The following PDE4D variants were observed in gnomAD, a reference collection of about 807,000 sequenced individuals.
PDE4D encodes 3',5'-cyclic-AMP phosphodiesterase 4D.
A neutral mutation model predicts 87.4 loss-of-function variants in PDE4D; 24 were observed. The observed-to-expected ratio is 0.27, with a 90% confidence interval of 0.20 to 0.39. PDE4D has a LOEUF of 0.39. Among genes scored for constraint, PDE4D ranks in the 10% least tolerant of loss-of-function variants. The probability of loss-of-function intolerance (pLI) is 1.00; values close to 1 mark genes in which losing one functional copy is unlikely to be tolerated. For synonymous variants in PDE4D, 384 were observed against 383.2 expected (o/e 1.00, Z -0.02); for missense variants, 714 against 1,041.0 (o/e 0.69, Z 4.32).
intron 1 of PDE4D, among the ~76,000 whole-genome samples, chr5:59,580,077 G>A (rs1366434280): frequency 6.6e-6 from 1 of 152,142 alleles, no homozygotes; most frequent in East Asian, 1.9e-4. Flanking sequence ...GGGTAAATCT[G>A]CTTATTTTCT....
chr5:59,067,112 G>A (rs1047875533), intron 5 of PDE4D, among the ~76,000 whole-genome samples: 5 of 151,968 alleles, frequency 3.3e-5, no homozygotes, highest in East Asian at 1.9e-4. Context: ...CTTCCCAGGT[G>A]CAAGTGATTC....
intron 1 of PDE4D, among the ~76,000 whole-genome samples, chr5:59,411,727 C>A (rs769261849): frequency 6.6e-6 from 1 of 152,200 alleles, no homozygotes; most frequent in African/African-American, 2.4e-5. Flanking sequence ...AAGACCTTAT[C>A]TCCATGGTTA....
rs926192302 is a variant in PDE4D at position 60,508,871 on chromosome 5, T to C, written n.70+13180A>G. Among the ~76,000 whole-genome samples, 10 of 151,802 alleles carry C rather than the reference T, an allele frequency of 6.6e-5. No homozygotes were observed. In the South Asian group the frequency reaches 1.5e-3, roughly 22 times the overall value. On this transcript the variant is annotated intron_variant and non_coding_transcript_variant, in intron 1 of 2. Coordinates refer to the PDE4D transcript ENST00000506510. ...ATCCAACATGCAGATTTCTCTTTTT[T>C]TTTCTTTCTTTCTTTTCTTTTATTT...
chr5:60,243,838 C>G (rs1747405971), intron 1 of PDE4D, among the ~76,000 whole-genome samples: 2 of 151,772 alleles, frequency 1.3e-5, no homozygotes, highest in African/African-American at 4.8e-5. Context: ...AAGACATATA[C>G]CTAGTATCAC....
intron 1 of PDE4D, among the ~76,000 whole-genome samples, chr5:59,325,440 G>A (rs185612768): frequency 2.0e-5 from 3 of 152,164 alleles, no homozygotes; most frequent in Non-Finnish European, 4.4e-5. Context: ...ACGTTTTTAC[G>A]CTTTAAATAG....
intron 3 of PDE4D, chr5:59,987,900 T>C (rs1037984583): frequency 1.3e-5 from 2 of 152,230 alleles, no homozygotes; most frequent in African/African-American, 4.8e-5. Context: ...GAAATAAAAA[T>C]GTTACATGAT....
intron 5 of PDE4D, among the ~76,000 whole-genome samples, chr5:59,083,936 T>C (rs1338085562): frequency 1.3e-5 from 2 of 152,138 alleles, no homozygotes; most frequent in Admixed American, 6.6e-5. Flanking sequence ...GTAGTACTTA[T>C]AAACTGCTTA....
chr5:59,324,334 A>C (rs1775262773), intron 1 of PDE4D, among the ~76,000 whole-genome samples: 1 of 152,132 alleles, frequency 6.6e-6, no homozygotes, highest in Non-Finnish European at 1.5e-5. Context: ...GTGAAATTCA[A>C]ATATCCACCT....
At chr5:59,457,001 T>C (rs1800024109) in intron 1 of PDE4D, among the ~76,000 whole-genome samples, 5 of 152,216 alleles carry the variant, frequency 3.3e-5, no homozygotes, top group Admixed American at 3.3e-4. Context: ...CTATAAAAAT[T>C]GTTGAAATGA....
chr5:60,040,978 G>C (rs768188726), intron 2 of PDE4D, among the ~76,000 whole-genome samples: 39 of 152,114 alleles, frequency 2.6e-4, no homozygotes, highest in Non-Finnish European at 4.7e-4. Context: ...TAAAATAAAA[G>C]TATTTTAGTA....
At chr5:59,707,403 T>C (rs1753586145) in intron 1 of PDE4D, among the ~76,000 whole-genome samples, 2 of 152,168 alleles carry the variant, frequency 1.3e-5, no homozygotes, top group African/African-American at 4.8e-5. Context: ...ATCCACAAGA[T>C]GGTCACATGC....
At chr5:59,178,145 T>C (rs1334372994) in intron 5 of PDE4D, among the ~76,000 whole-genome samples, 1 of 152,122 alleles carries the variant, frequency 6.6e-6, no homozygotes, top group Admixed American at 6.5e-5. Context: ...ACTGAGGTTT[T>C]AAGGGCCCAC....
At chr5:59,583,048 A>G (rs1472909433) in intron 1 of PDE4D, among the ~76,000 whole-genome samples, 1 of 152,196 alleles carries the variant, frequency 6.6e-6, no homozygotes, top group Admixed American at 6.5e-5. Flanking sequence ...TGAATCCATC[A>G]TTAAAAGGAT....
intron 1 of PDE4D, among the ~76,000 whole-genome samples, chr5:60,323,046 C>T (rs1170545033): frequency 3.9e-5 from 6 of 152,214 alleles, no homozygotes; most frequent in Admixed American, 2.6e-4. Flanking sequence ...GGTTGATCTT[C>T]GTTCACATAG....
chr5:60,502,425 G>A (rs1014102805), intron 1 of PDE4D, among the ~76,000 whole-genome samples: 2 of 152,352 alleles, frequency 1.3e-5, no homozygotes, highest in Non-Finnish European at 2.9e-5. Context: ...ATAGTTTGAA[G>A]TCAGGTAGTG....
At chr5:59,189,571 G>C (rs952600152) in intron 3 of PDE4D, among the ~76,000 whole-genome samples, 1 of 152,028 alleles carries the variant, frequency 6.6e-6, no homozygotes, top group Non-Finnish European at 1.5e-5. Context: ...GGATCACTGA[G>C]CCCGGAGGCA....
At chr5:59,730,520 T>C (rs1580730687) in intron 1 of PDE4D, among the ~76,000 whole-genome samples, 3 of 152,166 alleles carry the variant, frequency 2.0e-5, no homozygotes, top group Non-Finnish European at 4.4e-5. Flanking sequence ...ACATTTATTA[T>C]TTAAACTAGC....
intron 1 of PDE4D, among the ~76,000 whole-genome samples, chr5:59,518,622 GA>G (rs1270236532): frequency 6.6e-6 from 1 of 152,178 alleles, no homozygotes; most frequent in East Asian, 1.9e-4. Context: ...AGGAATGAAA[GA>G]GGGGAAGATG....
At chr5:59,329,686 T>C (rs1369402260) in intron 1 of PDE4D, among the ~76,000 whole-genome samples, 1 of 152,180 alleles carries the variant, frequency 6.6e-6, no homozygotes, top group African/African-American at 2.4e-5. Context: ...TTCATCATCT[T>C]GTGTTATTTG....
Sources: gnomAD v4.1 joint callset for allele counts (sites outside exome capture counted in the v4.1 genomes callset) on GRCh38, gnomAD v4.1.1 for gene constraint, MANE v1.5 for transcripts, NCBI Gene and HGNC (gene_info 2026-07-23, HGNC 2026-07-21) for gene names.